The following DNHD1 variants were observed in gnomAD, a reference collection of about 807,000 sequenced individuals.
DNHD1 encodes dynein heavy chain domain 1.
A neutral mutation model predicts 458.1 loss-of-function variants in DNHD1; 383 were observed. That is an observed-to-expected ratio of 0.84 (90% confidence interval 0.77 to 0.91). DNHD1 has a LOEUF of 0.91. Among genes scored for constraint, DNHD1 ranks in the 40% least tolerant of loss-of-function variants. The probability of loss-of-function intolerance (pLI) is 0.00; values close to 1 mark genes in which losing one functional copy is unlikely to be tolerated. For missense variants in DNHD1, 5,336 were observed against 5,866.1 expected, an observed-to-expected ratio of 0.91 and a Z score of 2.95; for synonymous variants, 2,203 against 2,376.9, an observed-to-expected ratio of 0.93 and a Z score of 2.13.
In DNHD1 at chr11:6,571,590, C is replaced by T. The variant is rs1410063028; in HGVS notation, c.13912-46C>T. On this transcript the variant is annotated intron_variant, in intron 42 of 42. Transcript: ENST00000254579. The surrounding 1 kb of genome is among the most constrained non-coding windows in gnomAD (Gnocchi z 5.0). ...GCTAACCCCCACTTCCCACCTGCCA[C>T]CTCCCAGCTTCCTAGCCTTGCCTGA... 4.0e-6 allele frequency: 6 copies of T among 1,489,700 alleles called. No individual in the cohort carries two copies. 92.3% of individuals were successfully genotyped at this position (1,489,700 alleles called of 1,614,324 possible). A position where few individuals can be genotyped will look rare whatever the true frequency, so the allele number is the denominator to read the frequency against.
chr11:6,553,373 A>G (rs978548113), intron 24 of DNHD1, among the ~76,000 whole-genome samples: 4 of 152,228 alleles, frequency 2.6e-5, no homozygotes, highest in Non-Finnish European at 5.9e-5. Flanking sequence ...CATCTATTAT[A>G]CTTACAGCTA....
chr11:6,538,834 AG>A, intron 16 of DNHD1, 24 bp downstream of exon 16: 1 of 1,472,602 alleles, frequency 6.8e-7, no homozygotes, highest in Non-Finnish European at 9.1e-7. Flanking sequence ...ATGTCAGAGG[AG>A]GGGGAAAGGG....
At chr11:6,533,620 A>C in intron 13 of DNHD1, 61 bp from the exon 14 acceptor site, 14 of 1,485,934 alleles carry the variant, frequency 9.4e-6, no homozygotes, top group Non-Finnish European at 1.3e-5. Context: ...CCCCTTGGGG[A>C]TGGGACCAAA....
Position 6,557,497 on chromosome 11 carries a change from T to C in DNHD1, c.8202T>C (p.Tyr2734=). The change falls in exon 25 of 43, where the codon TAT becomes TAC. Residue 2734 remains tyrosine (Y), a synonymous_variant. Transcript: ENST00000254579. ...AAACAGAGGAGGAAGAGGAACCTTA[T>C]GGCCTTCAGGTCGCCAGAGTCTCAA... is the stretch of plus-strand genomic sequence containing the variant. ...NSETEEEEEP[Y]GLQVARVSNS... is the part of the protein sequence containing the mutation. The C allele has an allele frequency of 4.5e-6, 7 of 1,551,728 alleles. No individual in the cohort carries two copies. Among genetic ancestry groups the C allele is most frequent in the Non-Finnish European group, 6.1e-6 (7 of 1,147,004 alleles).
In DNHD1 at chr11:6,497,856, A is replaced by C; in HGVS notation, c.-360A>C. On this transcript the variant is annotated 5_prime_UTR_variant, in exon 3 of 43. Coordinates refer to ENST00000254579, the MANE Select transcript of DNHD1 (RefSeq NM_144666.3). ...CCCCCCTAGGCCAGGTGAGGGGGAC[A>C]GGGTACTGGGAGGTAAGAAGGAACT... The C allele has an allele frequency of 4.2e-6, 1 of 238,094 alleles. No individual in the cohort carries two copies. The allele number at this position is 238,094 out of a possible 1,614,324, so 14.7% of individuals were successfully genotyped here. A position where few individuals can be genotyped will look rare whatever the true frequency, so the allele number is the denominator to read the frequency against.
chr11:6,515,117 C>T (rs565270616), intron 7 of DNHD1, among the ~76,000 whole-genome samples: 1 of 152,328 alleles, frequency 6.6e-6, no homozygotes, highest in South Asian at 2.1e-4. Context: ...CTCTTAAAGA[C>T]CCCATCTCTT....
chr11:6,544,120 G>C lies in DNHD1; in HGVS notation c.3629-1G>C, dbSNP rs12577708. 1 of 1,551,536 alleles carries C rather than the reference G, an allele frequency of 6.4e-7. No individual in the cohort carries two copies. Among genetic ancestry groups the C allele is most frequent in the Non-Finnish European group, 8.7e-7 (1 of 1,146,926 alleles). Reference sequence around the variant, plus strand: ...TGCCAGTTCAGCTTTTTCTGTCTTAGATTACAGCAACCTGCAGGATTCCAT... The same window carrying C: ...TGCCAGTTCAGCTTTTTCTGTCTTACATTACAGCAACCTGCAGGATTCCAT... On this transcript the variant is annotated splice_acceptor_variant, in intron 18 of 42. Coordinates refer to ENST00000254579, the MANE Select transcript of DNHD1 (RefSeq NM_144666.3). LOFTEE classifies it high-confidence loss of function.
At chr11:6,555,164 G>A (rs1564819319) in intron 24 of DNHD1, among the ~76,000 whole-genome samples, 3 of 151,732 alleles carry the variant, frequency 2.0e-5, no homozygotes, top group Admixed American at 6.6e-5. Flanking sequence ...TATACTGCCA[G>A]TCCCTCCCTC....
At position 6,545,241 on chromosome 11, in the gene DNHD1, G is replaced by T; in HGVS notation, c.4302G>T (p.Leu1434=). The change falls in exon 21 of 43, where the codon CTG becomes CTT. Residue 1434 remains leucine, a synonymous_variant. Coordinates refer to ENST00000254579, the MANE Select transcript of DNHD1 (RefSeq NM_144666.3). This position sits in a 1 kb window ranked among gnomAD's most constrained non-coding sequence, Gnocchi z 4.9. ...VLGAGGEEVK[L]QGPLPLHPDL... is the part of the protein sequence containing the mutation. ...GGGCAGGTGGGGAGGAGGTGAAGCT[G>T]CAGGGTCCCCTTCCTCTGCATCCAG... The T allele has an allele frequency of 6.4e-7, 1 of 1,551,766 alleles. No homozygotes were observed. The highest frequency in any genetic ancestry group is 8.7e-7 in the Non-Finnish European group (1 of 1,147,008).
chr11:6,509,014 G>C lies in DNHD1; in HGVS notation c.1055G>C (p.Cys352Ser), dbSNP rs1218681661. ...ACACTGGGTACCTGGCACCATCACT[G>C]TGTTCTCTGGCAGCAGCTCCAGTTC... ...TMTLGTWHHH[C>S]VLWQQLQFIP... is the part of the protein sequence containing the mutation. Residue 352 changes from cysteine to serine, a missense_variant, in exon 5 of 43, where the codon TGT becomes TCT. Coordinates refer to ENST00000254579, the MANE Select transcript of DNHD1 (RefSeq NM_144666.3). 2.5e-6 allele frequency: 4 copies of C among 1,614,228 alleles called. No homozygotes were observed. The highest frequency in any genetic ancestry group is 1.3e-5 in the African/African-American group (1 of 75,060).
At chr11:6,544,418 GT>G (rs988699331) in intron 19 of DNHD1, among the ~76,000 whole-genome samples, 155 bp from the exon 20 acceptor site, 3 of 152,160 alleles carry the variant, frequency 2.0e-5, no homozygotes. Flanking sequence ...CACAGTGAAA[GT>G]TTTTTCTCCC....
At chr11:6,538,540 C>CT (rs1853017200) in intron 15 of DNHD1, 30 bp downstream of exon 15, 1 of 1,551,612 alleles carries the variant, frequency 6.4e-7, no homozygotes, top group Admixed American at 2.0e-5. Flanking sequence ...GAGCTCTTGA[C>CT]TGGGAGTGGA....
Position 6,545,320 on chromosome 11 carries a change from C to T in DNHD1, c.4381C>T (p.His1461Tyr). The change falls in exon 21 of 43, where the codon CAC becomes TAC. Residue 1461 changes from histidine to tyrosine, a missense_variant. Transcript: ENST00000254579. The surrounding 1 kb of genome is among the most constrained non-coding windows in gnomAD (Gnocchi z 4.9). ...LEKCLRLALVHMLQGCVAARL... is the reference protein window; with the variant it reads ...LEKCLRLALVYMLQGCVAARL... ...GAAGTGTCTGCGCTTGGCACTGGTG[C>T]ACATGCTGCAGGGCTGTGTGGCTGC... is the stretch of plus-strand genomic sequence containing the variant. 6.4e-7 allele frequency: 1 copy of T among 1,551,750 alleles called. No homozygotes were observed. Among genetic ancestry groups the T allele is most frequent in the Non-Finnish European group, 8.7e-7 (1 of 1,147,012 alleles).
chr11:6,537,079 A>G (rs1318407015), intron 14 of DNHD1, among the ~76,000 whole-genome samples: 1 of 152,220 alleles, frequency 6.6e-6, no homozygotes, highest in Non-Finnish European at 1.5e-5. Flanking sequence ...GTCCCACTCA[A>G]GAAAGTAAAC....
At position 6,498,447 on chromosome 11, in the gene DNHD1, C is replaced by A. The variant is rs1564992064; in HGVS notation, c.232C>A (p.Pro78Thr). The change falls in exon 3 of 43, where the codon CCT becomes ACT. Residue 78 changes from proline to threonine, a missense_variant. Coordinates refer to ENST00000254579, the MANE Select transcript of DNHD1 (RefSeq NM_144666.3). ...CTCAGCTGTGTTGCAGGACAGTAGC[C>A]CTGCAGCTTGGCGCTATCTTCATGC... ...LFSAVLQDSS[P>T]AAWRYLHAVL... The A allele has an allele frequency of 6.2e-7, 1 of 1,614,074 alleles. No homozygotes were observed. Among genetic ancestry groups the A allele is most frequent in the Non-Finnish European group, 8.5e-7 (1 of 1,180,054 alleles).
rs1852080268 is a variant in DNHD1, at chr11:6,498,631, CTT to C, written c.418_419del (p.Leu140ValfsTer8). The C allele has an allele frequency of 6.2e-7, 1 of 1,614,106 alleles. No individual in the cohort carries two copies. The highest frequency in any genetic ancestry group is 1.7e-5 in the Admixed American group (1 of 60,006). On this transcript the variant is annotated frameshift_variant, in exon 3 of 43. Coordinates refer to ENST00000254579, the MANE Select transcript of DNHD1 (RefSeq NM_144666.3). LOFTEE classifies it high-confidence loss of function. ...GTCCAGGCCTTTCCTCCAGACAGCT[CTT>C]TGTTAGACAGTGCTTCCCATGCTGA... is the stretch of plus-strand genomic sequence containing the variant.
In DNHD1 at chr11:6,545,316, G is replaced by A. The variant is rs1185166498; in HGVS notation, c.4377G>A (p.Leu1459=). 1.9e-6 allele frequency: 3 copies of A among 1,551,646 alleles called. No homozygotes were observed. Among genetic ancestry groups the A allele is most frequent in the South Asian group, 2.4e-5 (2 of 84,072 alleles). ...ASLEKCLRLA[L]VHMLQGCVAA... ...TGGAGAAGTGTCTGCGCTTGGCACT[G>A]GTGCACATGCTGCAGGGCTGTGTGG... Residue 1459 remains leucine, a synonymous_variant, in exon 21 of 43, where the codon CTG becomes CTA. Coordinates refer to ENST00000254579, the MANE Select transcript of DNHD1 (RefSeq NM_144666.3). This position sits in a 1 kb window ranked among gnomAD's most constrained non-coding sequence, Gnocchi z 4.9.
At position 6,528,494 on chromosome 11, in the gene DNHD1, C is replaced by T. The variant is rs190189357; in HGVS notation, c.1838-28C>T. The stretch of plus-strand genomic sequence containing the variant: ...GTTTGTGGGCTCTGGAGGGTACTCA[C>T]GGACAATTATGGCCTGTGCTCCACT... On this transcript the variant is annotated intron_variant, in intron 10 of 42. Coordinates refer to ENST00000254579, the MANE Select transcript of DNHD1 (RefSeq NM_144666.3). 1.4e-4 allele frequency: 208 copies of T among 1,535,048 alleles called. 1 individual carries two copies. In the African/African-American group the frequency reaches 2.0e-3, roughly 15 times the overall value.
chr11:6,532,393 A>G (rs771753569), intron 12 of DNHD1, among the ~76,000 whole-genome samples: 1 of 152,188 alleles, frequency 6.6e-6, no homozygotes, highest in Non-Finnish European at 1.5e-5. Context: ...TTCCAGGATT[A>G]CTTTCTAGCC....
Sources: allele counts gnomAD v4.1 joint callset (sites outside exome capture counted in the v4.1 genomes callset), GRCh38; gene constraint gnomAD v4.1.1; non-coding constraint Gnocchi (gnomAD v3.1); transcripts MANE v1.5; gene names NCBI Gene and HGNC (gene_info 2026-07-23, HGNC 2026-07-21).